The following ZNF516 variants were observed in gnomAD, a reference collection of about 807,000 sequenced individuals.
ZNF516 encodes zinc finger protein 516.
Under a neutral mutation model 79.7 loss-of-function variants are expected in ZNF516, and 19 were observed. That is an observed-to-expected ratio of 0.24 (90% CI 0.17 to 0.35). ZNF516 has a LOEUF of 0.35. ZNF516 is among the 10% of genes least tolerant of loss of function. The pLI is 1.00. For synonymous variants in ZNF516, 877 were observed against 739.5 expected (o/e 1.19, Z -3.02); for missense variants, 1,678 against 1,679.5 (o/e 1.00, Z 0.02).
Position 76,440,761 on chromosome 18 carries a change from T to TGTGTGTGTGTGTGTGTGTGC in ZNF516, c.1810+483_1810+484insGCACACACACACACACACAC, listed in dbSNP as rs571461431. Reference sequence around the variant, plus strand: ...GTGTGTTTGTGTGTGTGTGTGTGTGTGCGCGCACGCGCGCATGCATCGTAT... The same window carrying TGTGTGTGTGTGTGTGTGTGC: ...GTGTGTTTGTGTGTGTGTGTGTGTGTGTGTGTGTGTGTGTGTGTGCGCGCGCACGCGCGCATGCATCGTAT... On this transcript the variant is annotated intron_variant, in intron 3 of 6. Transcript: ENST00000443185. Among the ~76,000 whole-genome samples, 572 of 150,220 alleles carry TGTGTGTGTGTGTGTGTGTGC rather than the reference T, an allele frequency of 3.8e-3. 1 individual carries two copies. Among genetic ancestry groups the TGTGTGTGTGTGTGTGTGTGC allele is most frequent in the Middle Eastern group, 6.8e-3 (2 of 294 alleles).
chr18:76,445,682 G>A (rs1052054020), intron 2 of ZNF516, among the ~76,000 whole-genome samples: 4 of 152,158 alleles, frequency 2.6e-5, no homozygotes, highest in African/African-American at 7.2e-5. Context: ...GACCTCCAAC[G>A]TTTGTCTATA....
At chr18:76,424,539 TC>T (rs1288181013) in intron 3 of ZNF516, among the ~76,000 whole-genome samples, 11 of 40,262 alleles carry the variant, frequency 2.7e-4, no homozygotes, top group East Asian at 1.3e-3. Context: ...GTGAAAAGGC[TC>T]CCCCCGAAAC....
chr18:76,367,898 T>G (rs1396632114), intron 6 of ZNF516, among the ~76,000 whole-genome samples: 1 of 152,226 alleles, frequency 6.6e-6, no homozygotes, highest in Non-Finnish European at 1.5e-5. Flanking sequence ...ATTATGTATA[T>G]CTATAAAAGT....
chr18:76,423,960 C>T (rs867876927), intron 3 of ZNF516, among the ~76,000 whole-genome samples: 257 of 127,776 alleles, frequency 2.0e-3, no homozygotes, highest in African/African-American at 6.0e-3. Flanking sequence ...CCGAAACACA[C>T]GCAGGTGAAA....
At chr18:76,433,225 A>C (rs988318489) in intron 3 of ZNF516, among the ~76,000 whole-genome samples, 1 of 152,230 alleles carries the variant, frequency 6.6e-6, no homozygotes, top group Non-Finnish European at 1.5e-5. Flanking sequence ...CTGACCGCTG[A>C]GTACTCCCGT....
chr18:76,482,255 A>T (rs879003862), intron 1 of ZNF516, among the ~76,000 whole-genome samples: 12 of 152,192 alleles, frequency 7.9e-5, no homozygotes, highest in Admixed American at 2.6e-4. Context: ...AGGGAATCCT[A>T]AGACGTACAT....
intron 1 of ZNF516, 108 bp downstream of exon 1, chr18:76,495,036 C>A (rs1323800225): frequency 6.7e-6 from 1 of 150,216 alleles, no homozygotes; most frequent in Non-Finnish European, 1.5e-5. Flanking sequence ...CCCCCCTACC[C>A]CCAGCGGCGC....
At position 76,360,489 on chromosome 18, in the gene ZNF516, G is replaced by C. The variant is rs2144843444; in HGVS notation, c.*2009C>G. ...ATTTCTTAGGTGGACAGAGGAATGT[G>C]TCTCCGCAACTTTGCCCAAAATAAC... is the stretch of plus-strand genomic sequence containing the variant. On this transcript the variant is annotated 3_prime_UTR_variant, in exon 7 of 7. Transcript: ENST00000443185. The C allele has an allele frequency of 6.6e-6, 1 of 151,794 alleles. No individual in the cohort carries two copies. Among genetic ancestry groups the C allele is most frequent in the Middle Eastern group, 3.4e-3 (1 of 294 alleles). The allele number at this position is 151,794 out of a possible 1,614,324, so 9.4% of individuals were successfully genotyped here. A position where few individuals can be genotyped will look rare whatever the true frequency, so the allele number is the denominator to read the frequency against.
chr18:76,469,524 GT>G (rs1484256357), intron 1 of ZNF516, among the ~76,000 whole-genome samples: 3 of 152,090 alleles, frequency 2.0e-5, no homozygotes, highest in African/African-American at 7.2e-5. Flanking sequence ...TTCTTTCAGT[GT>G]AAGAAGAAAT....
At chr18:76,388,026 A>C (rs1006718534) in intron 3 of ZNF516, 1 of 152,236 alleles carries the variant, frequency 6.6e-6, no homozygotes, top group African/African-American at 2.4e-5. Context: ...GGAGCATCTG[A>C]ACATCGAGAG....
intron 4 of ZNF516, among the ~76,000 whole-genome samples, chr18:76,374,791 T>G (rs1399482798): frequency 2.0e-5 from 3 of 152,170 alleles, no homozygotes; most frequent in African/African-American, 7.2e-5. Flanking sequence ...ACAGGGAAGT[T>G]GTGATCTTTA....
In ZNF516 at chr18:76,455,156, CG is replaced by C. The variant is rs534456694; in HGVS notation, c.-158+7871del. Among the ~76,000 whole-genome samples, 113 of 152,208 alleles carry C rather than the reference CG, an allele frequency of 7.4e-4. No homozygotes were observed. In the Middle Eastern group the frequency reaches 0.017, roughly 23 times the overall value. On this transcript the variant is annotated intron_variant, in intron 2 of 6. Transcript: ENST00000443185. ...AAACAGCAGTCACACAGTTGCTTTG[CG>C]AACATTTTCCAAGAACTCGAAGACC...
In ZNF516 at chr18:76,493,202, G is replaced by C. The variant is rs1420214462; in HGVS notation, c.-272+1942C>G. On this transcript the variant is annotated intron_variant, in intron 1 of 6. Coordinates refer to ENST00000443185, the MANE Select transcript of ZNF516 (RefSeq NM_014643.4). This position sits in a 1 kb window ranked among gnomAD's most constrained non-coding sequence, Gnocchi z 5.2. Reference sequence around the variant, plus strand: ...CGCAGAGTTTGCCTTCTTTAAGGAGGGAGGCGTCAGACGATATCCATTTAA... The same window carrying C: ...CGCAGAGTTTGCCTTCTTTAAGGAGCGAGGCGTCAGACGATATCCATTTAA... 1 of 980,268 alleles carries C rather than the reference G, an allele frequency of 1.0e-6. No individual in the cohort carries two copies. Among genetic ancestry groups the C allele is most frequent in the African/African-American group, 1.8e-5 (1 of 57,084 alleles). The allele number at this position is 980,268 out of a possible 1,614,324, so 60.7% of individuals were successfully genotyped here.
At chr18:76,413,445 A>G (rs933666387) in intron 3 of ZNF516, among the ~76,000 whole-genome samples, 1 of 152,240 alleles carries the variant, frequency 6.6e-6, no homozygotes, top group African/African-American at 2.4e-5. Context: ...ATCGATAGAA[A>G]GATGCTAGGA....
At chr18:76,438,515 CAT>C (rs1182829855) in intron 3 of ZNF516, among the ~76,000 whole-genome samples, 3 of 152,156 alleles carry the variant, frequency 2.0e-5, no homozygotes, top group Non-Finnish European at 4.4e-5. Context: ...AATCTAGTAA[CAT>C]ATTCCCAATG....
intron 6 of ZNF516, among the ~76,000 whole-genome samples, 195 bp downstream of exon 6, chr18:76,370,333 G>T (rs1880624151): frequency 6.6e-6 from 1 of 152,144 alleles, no homozygotes; most frequent in Non-Finnish European, 1.5e-5. Flanking sequence ...GCACCACCCG[G>T]CTGGGAGGAC....
At chr18:76,423,232 G>A (rs1210887171) in intron 3 of ZNF516, among the ~76,000 whole-genome samples, 1 of 152,236 alleles carries the variant, frequency 6.6e-6, no homozygotes, top group African/African-American at 2.4e-5. Flanking sequence ...AGCTAGGAAA[G>A]GAAAAGCTGC....
chr18:76,409,446 A>C (rs2075345534), intron 3 of ZNF516, among the ~76,000 whole-genome samples: 1 of 152,242 alleles, frequency 6.6e-6, no homozygotes, highest in Non-Finnish European at 1.5e-5. Flanking sequence ...GGAAATTAAA[A>C]AGAAAAAATT....
At chr18:76,448,594 G>A (rs1197394216) in intron 2 of ZNF516, among the ~76,000 whole-genome samples, 1 of 152,182 alleles carries the variant, frequency 6.6e-6, no homozygotes, top group African/African-American at 2.4e-5. Flanking sequence ...AAGCCAGGGG[G>A]TATGTACAGC....
Sources: gnomAD v4.1 joint callset for allele counts (sites outside exome capture counted in the v4.1 genomes callset) on GRCh38, gnomAD v4.1.1 for gene constraint, Gnocchi (gnomAD v3.1) non-coding constraint, MANE v1.5 for transcripts, NCBI Gene and HGNC (gene_info 2026-07-23, HGNC 2026-07-21) for gene names.